The following CNTN4 variants were observed in gnomAD, a reference collection of about 807,000 sequenced individuals.
The protein encoded by CNTN4 is contactin-4.
In CNTN4, 77 loss-of-function variants were observed where a neutral mutation model predicts 122.5. That is an observed-to-expected ratio of 0.63 (90% CI 0.52 to 0.76). CNTN4 has a LOEUF of 0.76. Ranked by LOEUF, CNTN4 falls within the 30% of genes least tolerant of loss-of-function variation. CNTN4 has a pLI of 0.00. For missense variants in CNTN4, 1,256 were observed against 1,259.1 expected (o/e 1.00, Z 0.04); for synonymous variants, 512 against 447.0 (o/e 1.15, Z -1.83).
At chr3:2,309,669 A>T (rs2042844204) in intron 2 of CNTN4, among the ~76,000 whole-genome samples, 1 of 152,130 alleles carries the variant, frequency 6.6e-6, no homozygotes, top group African/African-American at 2.4e-5. Flanking sequence ...TGGTCTTTTA[A>T]TATATGAGTG....
chr3:2,783,845 G>A (rs1212129117), intron 6 of CNTN4, among the ~76,000 whole-genome samples: 1 of 152,166 alleles, frequency 6.6e-6, no homozygotes, highest in African/African-American at 2.4e-5. Flanking sequence ...GACACTTAAT[G>A]AATGTTCATG....
chr3:2,563,291 TG>T (rs1360567417), intron 3 of CNTN4, among the ~76,000 whole-genome samples: 1 of 152,192 alleles, frequency 6.6e-6, no homozygotes, highest in African/African-American at 2.4e-5. Context: ...CGCATGTCAG[TG>T]CATAAAATAT....
intron 6 of CNTN4, among the ~76,000 whole-genome samples, chr3:2,783,758 A>T (rs1156435588): frequency 6.6e-6 from 1 of 152,216 alleles, no homozygotes; most frequent in Non-Finnish European, 1.5e-5. Flanking sequence ...TAACGTAAAG[A>T]CGAATCCATT....
intron 2 of CNTN4, among the ~76,000 whole-genome samples, chr3:2,166,487 C>G (rs1264241417): frequency 1.3e-5 from 2 of 151,826 alleles, no homozygotes. Flanking sequence ...CACCTGACAG[C>G]CAAATTTGGT....
intron 2 of CNTN4, among the ~76,000 whole-genome samples, chr3:2,214,204 A>G (rs186955467): frequency 6.6e-6 from 1 of 152,260 alleles, no homozygotes; most frequent in African/African-American, 2.4e-5. Flanking sequence ...TCTCCTGAGT[A>G]TGGAAATCTG....
At chr3:2,620,762 A>T (rs2081960060) in intron 4 of CNTN4, among the ~76,000 whole-genome samples, 1 of 152,114 alleles carries the variant, frequency 6.6e-6, no homozygotes, top group African/African-American at 2.4e-5. Context: ...AAATATGCAC[A>T]TCCCTGGACT....
At chr3:2,904,773 A>G (rs17022164) in intron 12 of CNTN4, among the ~76,000 whole-genome samples, 69,895 of 151,982 alleles carry the variant, frequency 0.46, 16,205 homozygotes, top group East Asian at 0.68. Context: ...TCTACTCTAT[A>G]TCAGCTAGTT....
At chr3:2,528,834 CATAATT>C (rs1181132727) in intron 3 of CNTN4, among the ~76,000 whole-genome samples, 4 of 151,826 alleles carry the variant, frequency 2.6e-5, no homozygotes, top group Admixed American at 6.6e-5. Context: ...TTCACTGAGA[CATAATT>C]ATATATATTT....
At chr3:2,149,580 C>T (rs191576747) in intron 2 of CNTN4, among the ~76,000 whole-genome samples, 3 of 152,214 alleles carry the variant, frequency 2.0e-5, no homozygotes, top group African/African-American at 4.8e-5. Flanking sequence ...TTCTGTAACA[C>T]TATTTGATGT....
At chr3:2,197,404 T>TTA (rs1339602311) in intron 2 of CNTN4, among the ~76,000 whole-genome samples, 3 of 152,230 alleles carry the variant, frequency 2.0e-5, no homozygotes, top group Non-Finnish European at 4.4e-5. Context: ...TCCGTATGAA[T>TTA]TATTCTGCAT....
chr3:2,586,578 A>C (rs1057475031), intron 4 of CNTN4, among the ~76,000 whole-genome samples: 6 of 152,152 alleles, frequency 3.9e-5, no homozygotes, highest in Non-Finnish European at 7.4e-5. Context: ...GGCGTGAGCC[A>C]CCGCCTGCAC....
At chr3:2,727,018 T>C (rs1051149235) in intron 4 of CNTN4, among the ~76,000 whole-genome samples, 9 of 152,148 alleles carry the variant, frequency 5.9e-5, no homozygotes, top group Admixed American at 1.3e-4. Flanking sequence ...AAAGATGAAG[T>C]TAGCTATAAC....
rs569785338 is a variant in CNTN4 at position 2,196,993 on chromosome 3, C to T, written c.-145+96354C>T. Among the ~76,000 whole-genome samples, 29 of 145,522 alleles carry T rather than the reference C, an allele frequency of 2.0e-4. 1 individual carries two copies. In the South Asian group the frequency reaches 5.0e-3, roughly 25 times the overall value. ...CCAGGAGGCAGAGGTTACGGTGAGCCGAGATCATGCCACTGCAGTCCAGCT... is the reference window on the plus strand; with the variant it reads ...CCAGGAGGCAGAGGTTACGGTGAGCTGAGATCATGCCACTGCAGTCCAGCT... On this transcript the variant is annotated intron_variant, in intron 2 of 24. Coordinates refer to ENST00000418658, the MANE Select transcript of CNTN4 (RefSeq NM_175607.3).
intron 2 of CNTN4, among the ~76,000 whole-genome samples, chr3:2,192,534 T>C: frequency 6.6e-6 from 1 of 152,048 alleles, no homozygotes; most frequent in African/African-American, 2.4e-5. Context: ...TGCAATCTAC[T>C]CATCTGACAA....
intron 9 of CNTN4, 38 bp downstream of exon 9, chr3:2,883,285 A>C (rs769724988): frequency 2.7e-6 from 4 of 1,473,426 alleles, no homozygotes; most frequent in Non-Finnish European, 3.8e-6. Context: ...TCCTCCCTTC[A>C]GCTTGAGCAG....
intron 4 of CNTN4, among the ~76,000 whole-genome samples, chr3:2,573,044 C>G (rs966435617): frequency 6.6e-6 from 1 of 152,098 alleles, no homozygotes; most frequent in Non-Finnish European, 1.5e-5. Flanking sequence ...ACTGAAGCAT[C>G]AGGAAGTTAA....
intron 14 of CNTN4, among the ~76,000 whole-genome samples, chr3:3,004,935 G>A (rs1203242801): frequency 9.2e-5 from 14 of 152,162 alleles, no homozygotes; most frequent in Admixed American, 9.2e-4. Flanking sequence ...CTGCCTGGTC[G>A]GTGGAAGCAA....
At chr3:2,843,780 G>T (rs1394468246) in intron 7 of CNTN4, among the ~76,000 whole-genome samples, 2 of 152,130 alleles carry the variant, frequency 1.3e-5, no homozygotes, top group African/African-American at 4.8e-5. Context: ...TGTACAGTTT[G>T]CAGAACCATG....
intron 4 of CNTN4, among the ~76,000 whole-genome samples, chr3:2,647,858 T>C (rs116511091): frequency 8.5e-5 from 13 of 152,214 alleles, no homozygotes; most frequent in African/African-American, 3.1e-4. Context: ...TAGTTTACAG[T>C]TACTAATATT....
Sources: allele counts gnomAD v4.1 joint callset (sites outside exome capture counted in the v4.1 genomes callset), GRCh38; gene constraint gnomAD v4.1.1; transcripts MANE v1.5; gene names NCBI Gene and HGNC (gene_info 2026-07-23, HGNC 2026-07-21).